Variants in IL1RAPL1 observed in about 807,000 individuals in gnomAD.
The protein encoded by IL1RAPL1 is interleukin-1 receptor accessory protein-like 1.
A neutral mutation model predicts 48.4 loss-of-function variants in IL1RAPL1; 3 were observed. That is an observed-to-expected ratio of 0.06 (90% CI 0.03 to 0.16). The LOEUF is 0.16. Ranked by LOEUF, IL1RAPL1 falls within the 10% of genes least tolerant of loss-of-function variation. The pLI is 1.00. For missense variants in IL1RAPL1, 349 were observed against 530.6 expected (o/e 0.66, Z 3.36); for synonymous variants, 185 against 187.7 (o/e 0.99, Z 0.12).
Position 28,789,305 on chromosome X carries a change from T to C in IL1RAPL1, c.-24-15T>C. 1 of 1,011,745 alleles carries C rather than the reference T, an allele frequency of 9.9e-7. No individual in the cohort carries two copies. The highest frequency in any genetic ancestry group is 1.4e-6 in the Non-Finnish European group (1 of 714,321). 83.4% of individuals were successfully genotyped at this position (1,011,745 alleles called of 1,213,427 possible). A position where few individuals can be genotyped will look rare whatever the true frequency, so the allele number is the denominator to read the frequency against. On this transcript the variant is annotated splice_polypyrimidine_tract_variant and intron_variant, in intron 1 of 10. Coordinates refer to ENST00000378993, the MANE Select transcript of IL1RAPL1 (RefSeq NM_014271.4). ...AAAACATGTATGTTTTTCTTCTTTTTAATCTTTGCTTTAGGGAACGGCCTT... is the reference window on the plus strand; with the variant it reads ...AAAACATGTATGTTTTTCTTCTTTTCAATCTTTGCTTTAGGGAACGGCCTT...
rs546151013 is a variant in IL1RAPL1, at chrX:28,826,254, C to T, written c.82+36829C>T. ...ATATTACTTGGAAATGTGAGACAAACGAAATGAGTGTAAACCCTAAGAATA... is the reference window on the plus strand; with the variant it reads ...ATATTACTTGGAAATGTGAGACAAATGAAATGAGTGTAAACCCTAAGAATA... On this transcript the variant is annotated intron_variant, in intron 2 of 10. Coordinates refer to ENST00000378993, the MANE Select transcript of IL1RAPL1 (RefSeq NM_014271.4). Among the ~76,000 whole-genome samples the T allele has an allele frequency of 2.5e-4, 28 of 111,240 alleles. No homozygotes were observed. The South Asian group carries it at 0.01, about 40-fold the overall frequency.
At chrX:28,801,817 C>A (rs1936679893) in intron 2 of IL1RAPL1, among the ~76,000 whole-genome samples, 1 of 112,160 alleles carries the variant, frequency 8.9e-6, no homozygotes, top group African/African-American at 3.2e-5. Context: ...GAACATGTCC[C>A]TAACTGAAGC....
intron 2 of IL1RAPL1, among the ~76,000 whole-genome samples, chrX:29,179,951 G>A (rs1483255893): frequency 9.0e-6 from 1 of 110,928 alleles, no homozygotes; most frequent in Non-Finnish European, 1.9e-5. Context: ...TTTTCCAGGT[G>A]TGGGTTTGTG....
chrX:29,530,344 G>A (rs1375645193), intron 5 of IL1RAPL1, among the ~76,000 whole-genome samples: 1 of 111,395 alleles, frequency 9.0e-6, no homozygotes, highest in African/African-American at 3.3e-5. Context: ...AATACCAGGA[G>A]ATGTTAGATG....
At chrX:28,723,082 T>C (rs1051111778) in intron 1 of IL1RAPL1, among the ~76,000 whole-genome samples, 5 of 111,551 alleles carry the variant, frequency 4.5e-5, no homozygotes, top group African/African-American at 1.6e-4. Flanking sequence ...TACCCGGCTT[T>C]GGTATCAGGA....
chrX:29,250,074 A>T (rs1011520160), intron 2 of IL1RAPL1, among the ~76,000 whole-genome samples: 14 of 111,763 alleles, frequency 1.3e-4, no homozygotes, highest in Non-Finnish European at 7.5e-5. Context: ...GTATAAGCTA[A>T]CAAAACTTAG....
At chrX:28,910,100 G>A (rs1029086307) in intron 2 of IL1RAPL1, among the ~76,000 whole-genome samples, 2 of 111,310 alleles carry the variant, frequency 1.8e-5, no homozygotes, top group Non-Finnish European at 3.8e-5. Context: ...TCTTCATTTC[G>A]TGAAGTCTGA....
intron 5 of IL1RAPL1, among the ~76,000 whole-genome samples, chrX:29,653,913 T>TTTAC (rs770214181): frequency 1.1e-5 from 1 of 90,640 alleles, no homozygotes; most frequent in South Asian, 4.7e-4. Flanking sequence ...TATTTATTTA[T>TTTAC]TTATTTATTT....
chrX:28,910,105 G>T (rs1923319996), intron 2 of IL1RAPL1, among the ~76,000 whole-genome samples: 1 of 111,502 alleles, frequency 9.0e-6, no homozygotes, highest in Admixed American at 9.5e-5. Context: ...ATTTCGTGAA[G>T]TCTGAGAATG....
At chrX:28,910,955 C>T (rs945618549) in intron 2 of IL1RAPL1, among the ~76,000 whole-genome samples, 3 of 111,465 alleles carry the variant, frequency 2.7e-5, no homozygotes, top group South Asian at 7.4e-4. Flanking sequence ...CTTATTGAGG[C>T]TCAATCTGTT....
At chrX:29,200,707 T>C (rs1478067027) in intron 2 of IL1RAPL1, among the ~76,000 whole-genome samples, 1 of 112,096 alleles carries the variant, frequency 8.9e-6, no homozygotes, top group East Asian at 2.8e-4. Flanking sequence ...CTATAAAAAC[T>C]ATGACGCTCA....
At chrX:29,677,338 A>G (rs971834339) in intron 6 of IL1RAPL1, among the ~76,000 whole-genome samples, 2 of 112,023 alleles carry the variant, frequency 1.8e-5, no homozygotes, top group Non-Finnish European at 3.8e-5. Context: ...GGTAAATTGA[A>G]TCATCATCAT....
chrX:29,614,875 G>T (rs965417443), intron 5 of IL1RAPL1, among the ~76,000 whole-genome samples: 1 of 110,652 alleles, frequency 9.0e-6, no homozygotes, highest in African/African-American at 3.3e-5. Flanking sequence ...CAGGAGAATG[G>T]CATGAACCCG....
intron 5 of IL1RAPL1, among the ~76,000 whole-genome samples, chrX:29,446,136 T>C (rs1191621161): frequency 9.0e-6 from 1 of 111,690 alleles, no homozygotes; most frequent in African/African-American, 3.2e-5. Context: ...CTCAAGACTT[T>C]TTGTCCTATA....
At chrX:28,591,642 C>T (rs770175958) in intron 1 of IL1RAPL1, among the ~76,000 whole-genome samples, 5 of 111,347 alleles carry the variant, frequency 4.5e-5, no homozygotes, top group Non-Finnish European at 7.5e-5. Flanking sequence ...TCGCGTCAGC[C>T]TTTTTATTAC....
intron 6 of IL1RAPL1, among the ~76,000 whole-genome samples, chrX:29,838,078 C>T (rs1375234877): frequency 9.0e-6 from 1 of 111,354 alleles, no homozygotes; most frequent in Non-Finnish European, 1.9e-5. Context: ...TTGCATTTTC[C>T]AGGGAAGAAG....
chrX:29,374,578 C>T (rs34508052), intron 3 of IL1RAPL1, among the ~76,000 whole-genome samples: 13 of 109,570 alleles, frequency 1.2e-4, no homozygotes, highest in Admixed American at 9.9e-5. Context: ...TAACATTTGT[C>T]GAATGAATGA....
intron 2 of IL1RAPL1, among the ~76,000 whole-genome samples, chrX:28,872,514 G>C (rs1234646735): frequency 8.9e-6 from 1 of 111,878 alleles, no homozygotes; most frequent in Admixed American, 9.4e-5. Flanking sequence ...TTAAAAATCA[G>C]GCCAACTCTG....
intron 1 of IL1RAPL1, among the ~76,000 whole-genome samples, chrX:28,779,498 T>TA (rs1936393885): frequency 9.3e-6 from 1 of 107,454 alleles, no homozygotes; most frequent in Admixed American, 1.0e-4. Context: ...CTGACTAGAA[T>TA]ACGAAATCTA....
Sources: gnomAD v4.1 joint callset for allele counts (sites outside exome capture counted in the v4.1 genomes callset) on GRCh38, gnomAD v4.1.1 for gene constraint, MANE v1.5 for transcripts, NCBI Gene and HGNC (gene_info 2026-07-23, HGNC 2026-07-21) for gene names.